RIN2: variants seen among roughly 807,000 people sequenced by gnomAD.
The protein encoded by RIN2 is RAB5 interacting protein 2.
In RIN2, 36 loss-of-function variants were observed where a neutral mutation model predicts 78.0. The observed-to-expected ratio is 0.46, with a 90% CI of 0.35 to 0.61. The LOEUF (loss-of-function observed/expected upper bound fraction) is 0.61. Ranked by LOEUF, RIN2 falls within the 20% of genes least tolerant of loss-of-function variation. The pLI, the probability that RIN2 is intolerant of heterozygous loss-of-function variation, is 0.00. For missense variants in RIN2, 1,087 were observed against 1,159.7 expected (o/e 0.94, Z 0.91); for synonymous variants, 466 against 466.8 (o/e 1.00, Z 0.02).
intron 1 of RIN2, among the ~76,000 whole-genome samples, chr20:19,764,918 G>GTGTTTTTTTTTT (rs1274106795): frequency 4.0e-5 from 2 of 50,360 alleles, no homozygotes; most frequent in African/African-American, 6.5e-5. Flanking sequence ...CACTTTCTGC[G>GTGTTTTTTTTTT]TTTTTTTTTT....
intron 3 of RIN2, among the ~76,000 whole-genome samples, chr20:19,914,943 C>T (rs1015936530): frequency 2.6e-5 from 4 of 152,102 alleles, no homozygotes; most frequent in South Asian, 2.1e-4. Flanking sequence ...TCACTACAAC[C>T]TCAATGAGAG....
chr20:19,953,503 G>C (rs1034018951), intron 4 of RIN2, among the ~76,000 whole-genome samples: 1 of 151,788 alleles, frequency 6.6e-6, no homozygotes, highest in Non-Finnish European at 1.5e-5. Flanking sequence ...GCAGTGGCAC[G>C]ATCTCCACTC....
At chr20:19,771,564 G>A (rs944427696) in intron 1 of RIN2, among the ~76,000 whole-genome samples, 4 of 152,154 alleles carry the variant, frequency 2.6e-5, no homozygotes, top group Non-Finnish European at 4.4e-5. Context: ...AGGGATTCAC[G>A]GCTGTCGGTC....
At chr20:19,797,133 C>T (rs886385960) in intron 1 of RIN2, among the ~76,000 whole-genome samples, 24 of 152,182 alleles carry the variant, frequency 1.6e-4, no homozygotes, top group African/African-American at 4.8e-4. Flanking sequence ...ATCAGCATAA[C>T]GCAGGGCACT....
rs749789238 is a variant in RIN2, at chr20:19,935,109, C to T, written c.68C>T (p.Thr23Ile). The T allele has an allele frequency of 6.3e-7, 1 of 1,596,158 alleles. No individual in the cohort carries two copies. Among genetic ancestry groups the T allele is most frequent in the Non-Finnish European group, 8.5e-7 (1 of 1,171,420 alleles). Reference protein sequence around the residue: ...KRGSFFKLIDTIASEIGELKQ... With the variant: ...KRGSFFKLIDIIASEIGELKQ... ...TTTGTCTTTGAATAGCTCATTGACA[C>T]AATTGCCTCGGAGATCGGAGAACTG... The change falls in exon 4 of 13, where the codon ACA becomes ATA. Residue 23 changes from threonine to isoleucine, a missense_variant. This residue lies in a region of RIN2 where 706 missense variants were observed against 667.5 expected (regional missense o/e 1.06). Coordinates refer to ENST00000255006, the MANE Select transcript of RIN2 (RefSeq NM_018993.4).
At chr20:19,828,965 G>A (rs557788714) in intron 2 of RIN2, among the ~76,000 whole-genome samples, 1 of 152,242 alleles carries the variant, frequency 6.6e-6, no homozygotes, top group South Asian at 2.1e-4. Flanking sequence ...GTGGGTGGAA[G>A]GAAAGGAAAA....
chr20:19,831,708 T>C (rs1037809004), intron 2 of RIN2, among the ~76,000 whole-genome samples: 40 of 152,296 alleles, frequency 2.6e-4, no homozygotes, highest in African/African-American at 9.4e-4. Flanking sequence ...GTTGAGCAGG[T>C]ACAATGAGCT....
chr20:19,980,882 C>T (rs1048573845), intron 9 of RIN2, among the ~76,000 whole-genome samples: 2 of 152,160 alleles, frequency 1.3e-5, no homozygotes, highest in African/African-American at 2.4e-5. Context: ...ACTCTCTTCT[C>T]GCAGACACAG....
At chr20:19,827,381 C>T (rs1240025732) in intron 2 of RIN2, among the ~76,000 whole-genome samples, 3 of 152,196 alleles carry the variant, frequency 2.0e-5, no homozygotes, top group South Asian at 2.1e-4. Context: ...GGCTTGACCA[C>T]GTTTTGGCTA....
At chr20:19,778,968 G>C (rs1475272331) in intron 1 of RIN2, among the ~76,000 whole-genome samples, 2 of 152,118 alleles carry the variant, frequency 1.3e-5, no homozygotes, top group Non-Finnish European at 2.9e-5. Flanking sequence ...AGTAGAGTTT[G>C]GACTTAGAAC....
chr20:19,941,758 A>G (rs961086879), intron 4 of RIN2, among the ~76,000 whole-genome samples: 2 of 152,216 alleles, frequency 1.3e-5, no homozygotes, highest in Non-Finnish European at 2.9e-5. Flanking sequence ...AATGAATTCT[A>G]TGAGGGTTGA....
chr20:19,872,338 C>T (rs1215836871), intron 2 of RIN2: 1 of 152,156 alleles, frequency 6.6e-6, no homozygotes, highest in Non-Finnish European at 1.5e-5. Flanking sequence ...ATACCATGGG[C>T]TTGAGCTAGT....
At chr20:19,994,487 G>C (rs530569550) in intron 11 of RIN2, among the ~76,000 whole-genome samples, 2 of 152,214 alleles carry the variant, frequency 1.3e-5, no homozygotes, top group Non-Finnish European at 2.9e-5. Context: ...TTATAGTCTT[G>C]CTGAAATTTA....
At position 19,975,047 on chromosome 20, in the gene RIN2, A is replaced by C; in HGVS notation, c.1022A>C (p.Asn341Thr). 1 of 1,613,498 alleles carries C rather than the reference A, an allele frequency of 6.2e-7. No individual in the cohort carries two copies. The highest frequency in any genetic ancestry group is 8.5e-7 in the Non-Finnish European group (1 of 1,179,864). The change falls in exon 9 of 13, where the codon AAC becomes ACC. Residue 341 changes from asparagine (N) to threonine (T), a missense_variant. Physicochemically the swap from Asn to Thr is moderately conservative, Grantham distance 65. Around this residue, in one of 8 missense-constraint regions of RIN2, gnomAD observed 706 missense variants for 667.5 expected, o/e 1.06. Coordinates refer to ENST00000255006, the MANE Select transcript of RIN2 (RefSeq NM_018993.4). This position sits in a 1 kb window ranked among gnomAD's most constrained non-coding sequence, Gnocchi z 4.9. ...QTSMPETVNH[N>T]KHGNVALPGT... ...AGCATGCCAGAAACAGTCAACCATAACAAACATGGGAACGTAGCTCTGCCT... is the reference window on the plus strand; with the variant it reads ...AGCATGCCAGAAACAGTCAACCATACCAAACATGGGAACGTAGCTCTGCCT...
At chr20:19,944,403 T>C (rs1392075012) in intron 4 of RIN2, among the ~76,000 whole-genome samples, 1 of 152,182 alleles carries the variant, frequency 6.6e-6, no homozygotes, top group Non-Finnish European at 1.5e-5. Context: ...TTCCTTTTGA[T>C]ACATGGTCAA....
In RIN2 at chr20:19,828,227, A is replaced by ATAAATT. The variant is rs2036152962; in HGVS notation, c.-37+28480_-37+28481insTAAATT. ...ACCACAAAATTTATCAGCACAACTG[A>ATAAATT]GTTTCCCATTCCTAGCTTTTGTGAA... On this transcript the variant is annotated intron_variant, in intron 2 of 12. Transcript: ENST00000255006. Among the ~76,000 whole-genome samples the ATAAATT allele has an allele frequency of 4.6e-5, 7 of 152,294 alleles. No homozygotes were observed. The South Asian group carries it at 1.4e-3, about 32-fold the overall frequency.
In RIN2 at chr20:19,975,041, A is replaced by C. The variant is rs560459622; in HGVS notation, c.1016A>C (p.Asn339Thr). ...ETQTSMPETV[N>T]HNKHGNVALP... is the part of the protein sequence containing the mutation. ...CAGACGAGCATGCCAGAAACAGTCA[A>C]CCATAACAAACATGGGAACGTAGCT... Residue 339 changes from asparagine to threonine, a missense_variant, in exon 9 of 13, where the codon AAC (asparagine) becomes ACC (threonine). Asn to Thr is a moderately conservative substitution (Grantham distance 65). Around this residue, in one of 8 missense-constraint regions of RIN2, gnomAD observed 706 missense variants for 667.5 expected, o/e 1.06. Coordinates refer to ENST00000255006, the MANE Select transcript of RIN2 (RefSeq NM_018993.4). This position sits in a 1 kb window ranked among gnomAD's most constrained non-coding sequence, Gnocchi z 4.9. The C allele has an allele frequency of 6.2e-6, 10 of 1,613,492 alleles. No homozygotes were observed. In the South Asian group the frequency reaches 8.8e-5, roughly 14 times the overall value.
intron 3 of RIN2, among the ~76,000 whole-genome samples, chr20:19,906,408 C>T (rs531679845): frequency 4.6e-5 from 7 of 152,304 alleles, no homozygotes; most frequent in Admixed American, 3.3e-4. Context: ...ATAATCATGC[C>T]ACTGCACTCC....
rs2043151777 is a variant in RIN2, at chr20:20,001,916, A to G, written c.*980A>G. ...TGTAAATATGCAGTGAGGTTTGGCA[A>G]AATCTATTCCATGTGTGATTTGCTT... On this transcript the variant is annotated 3_prime_UTR_variant, in exon 13 of 13. Transcript: ENST00000255006. 6.6e-6 allele frequency: 1 copy of G among 152,626 alleles called. No individual in the cohort carries two copies. The highest frequency in any genetic ancestry group is 2.1e-4 in the South Asian group (1 of 4,828). The allele number at this position is 152,626 out of a possible 1,614,324, so 9.5% of individuals were successfully genotyped here. A position where few individuals can be genotyped will look rare whatever the true frequency, so the allele number is the denominator to read the frequency against.
Sources: gnomAD v4.1 joint callset for allele counts (sites outside exome capture counted in the v4.1 genomes callset) on GRCh38, gnomAD v4.1.1 for gene constraint, gnomAD v4.1.1 regional missense constraint, Gnocchi (gnomAD v3.1) non-coding constraint, MANE v1.5 for transcripts, NCBI Gene and HGNC (gene_info 2026-07-23, HGNC 2026-07-21) for gene names.